SLC9A1: variants seen among roughly 807,000 people sequenced by gnomAD.
SLC9A1 encodes the protein sodium/hydrogen exchanger 1.
SLC9A1 carries 22 observed loss-of-function variants against 67.9 expected under a neutral mutation model. The ratio of observed to expected loss-of-function variants is 0.32; its 90% CI spans 0.23 to 0.46. The LOEUF (loss-of-function observed/expected upper bound fraction) is 0.46, where lower values mean the gene tolerates loss of function less well. Ranked by LOEUF, SLC9A1 falls within the 20% of genes least tolerant of loss-of-function variation. The probability of loss-of-function intolerance (pLI) is 1.00; values close to 1 mark genes in which losing one functional copy is unlikely to be tolerated. For synonymous variants in SLC9A1, 421 were observed against 471.8 expected (o/e 0.89, Z 1.40); for missense variants, 686 against 1,094.8 (o/e 0.63, Z 5.27).
At chr1:27,131,947 A>AAAATATAT in intron 1 of SLC9A1, among the ~76,000 whole-genome samples, 335 of 52,002 alleles carry the variant, frequency 6.4e-3, no homozygotes, top group Admixed American at 0.014. Context: ...AGAAAAAAAA[A>AAAATATAT]ATATATATAT....
At chr1:27,128,880 C>T (rs2083363879) in intron 1 of SLC9A1, among the ~76,000 whole-genome samples, 1 of 152,064 alleles carries the variant, frequency 6.6e-6, no homozygotes, top group Admixed American at 6.5e-5. Flanking sequence ...TCACTTGAAC[C>T]CAGGAGGTGG....
intron 2 of SLC9A1, among the ~76,000 whole-genome samples, chr1:27,112,246 T>G (rs1161664953): frequency 6.6e-6 from 1 of 152,058 alleles, no homozygotes; most frequent in African/African-American, 2.4e-5. Flanking sequence ...CCCAGCCCCA[T>G]GAGGAGGCGT....
At chr1:27,124,431 C>T (rs1374468706) in intron 1 of SLC9A1, among the ~76,000 whole-genome samples, 1 of 152,216 alleles carries the variant, frequency 6.6e-6, no homozygotes, top group East Asian at 1.9e-4. Flanking sequence ...ATAACTTCAA[C>T]TTGCTTGAAA....
chr1:27,141,781 C>T (rs915362567), intron 1 of SLC9A1, among the ~76,000 whole-genome samples: 1 of 152,174 alleles, frequency 6.6e-6, no homozygotes, highest in Admixed American at 6.6e-5. Flanking sequence ...TAGGCTTTGC[C>T]CAGTTAGGTG....
intron 1 of SLC9A1, among the ~76,000 whole-genome samples, chr1:27,122,218 G>A (rs1389777695): frequency 6.6e-6 from 1 of 152,164 alleles, no homozygotes; most frequent in Non-Finnish European, 1.5e-5. Context: ...TGAGTCAGGT[G>A]CCCCTCCAAA....
Position 27,100,704 on chromosome 1 carries a change from CCA to C in SLC9A1, c.2111-62_2111-61del. On this transcript the variant is annotated intron_variant, in intron 11 of 11. Coordinates refer to ENST00000263980, the MANE Select transcript of SLC9A1 (RefSeq NM_003047.5). This position sits in a 1 kb window ranked among gnomAD's most constrained non-coding sequence, Gnocchi z 5.6. ...GCTCTGGAGCCCGGCCCAGCACGTG[CCA>C]CTCGGCCGCGTCAGTGCCTCCTTCA... is the stretch of plus-strand genomic sequence containing the variant. 7.0e-7 allele frequency: 1 copy of C among 1,419,618 alleles called. No individual in the cohort carries two copies. Among genetic ancestry groups the C allele is most frequent in the Non-Finnish European group, 9.6e-7 (1 of 1,038,322 alleles). 87.9% of individuals were successfully genotyped at this position (1,419,618 alleles called of 1,614,324 possible).
intron 1 of SLC9A1, among the ~76,000 whole-genome samples, chr1:27,144,392 A>G (rs12136394): frequency 0.34 from 51,735 of 152,106 alleles, 9,213 homozygotes; most frequent in African/African-American, 0.37. Flanking sequence ...GGCCCAGAGA[A>G]GATGCCCTTG....
rs1332441029 is a variant in SLC9A1 at position 27,147,316 on chromosome 1, A to AG, written c.352+6666_352+6667insC. Among the ~76,000 whole-genome samples the AG allele has an allele frequency of 1.0e-3, 156 of 149,816 alleles. 2 individuals carry two copies. Among genetic ancestry groups the AG allele is most frequent in the African/African-American group, 3.7e-3 (152 of 40,890 alleles). On this transcript the variant is annotated intron_variant, in intron 1 of 11. Coordinates refer to ENST00000263980, the MANE Select transcript of SLC9A1 (RefSeq NM_003047.5). ...CTCTGTCTCAAAAAAAAAAAAAAAA[A>AG]AAAAAGAAAAGAAAAAAATACAAAA...
chr1:27,115,162 C>G (rs2083256324), intron 1 of SLC9A1, among the ~76,000 whole-genome samples: 1 of 152,176 alleles, frequency 6.6e-6, no homozygotes, highest in African/African-American at 2.4e-5. Flanking sequence ...CTGCACAGTT[C>G]TGTAATTCAA....
chr1:27,108,140 C>T (rs985115114), intron 3 of SLC9A1, among the ~76,000 whole-genome samples: 1 of 149,060 alleles, frequency 6.7e-6, no homozygotes, highest in African/African-American at 2.5e-5. Context: ...GATCTTGGCT[C>T]ACTGCAACCT....
intron 1 of SLC9A1, among the ~76,000 whole-genome samples, chr1:27,117,139 T>C (rs1395025819): frequency 2.0e-5 from 3 of 150,798 alleles, no homozygotes; most frequent in Non-Finnish European, 4.4e-5. Flanking sequence ...CAGAAGCAGC[T>C]GAGACAAGAC....
intron 1 of SLC9A1, among the ~76,000 whole-genome samples, chr1:27,135,525 G>GTTTAAA: frequency 9.1e-6 from 1 of 110,052 alleles, no homozygotes; most frequent in Non-Finnish European, 1.8e-5. Context: ...CTTTTTTCTG[G>GTTTAAA]AAAAAAAAAA....
At chr1:27,110,367 CA>C (rs2083219873) in intron 2 of SLC9A1, among the ~76,000 whole-genome samples, 2 of 152,154 alleles carry the variant, frequency 1.3e-5, no homozygotes, top group Admixed American at 1.3e-4. Context: ...TCTGAAAATA[CA>C]CATGTTCAGG....
chr1:27,138,758 G>A (rs76316106), intron 1 of SLC9A1, among the ~76,000 whole-genome samples: 3,479 of 152,246 alleles, frequency 0.023, 167 homozygotes, highest in African/African-American at 0.077. Context: ...ACAGGGAAAG[G>A]GTAGTGGGGC....
In SLC9A1 at chr1:27,113,750, G is replaced by A. The variant is rs74061718; in HGVS notation, c.813+76C>T. The A allele has an allele frequency of 4.2e-3, 4,557 of 1,072,356 alleles. 98 individuals are homozygous for A. In the African/African-American group the frequency reaches 0.053, roughly 12 times the overall value. The allele number at this position is 1,072,356 out of a possible 1,614,324, so 66.4% of individuals were successfully genotyped here. ...GTTTTTATTACTGTTATTAGCGGGT[G>A]GATGAGGGATTCACTGGTGGGCCTG... On this transcript the variant is annotated intron_variant, in intron 2 of 11. Transcript: ENST00000263980.
At position 27,098,908 on chromosome 1, in the gene SLC9A1, G is replaced by A. The variant is rs889686775; in HGVS notation, c.*1399C>T. On this transcript the variant is annotated 3_prime_UTR_variant, in exon 12 of 12. Transcript: ENST00000263980. The stretch of plus-strand genomic sequence containing the variant: ...AGCAGCTGCGGTGGCTTGGTACGTG[G>A]TTGTCGATGTCACCCTTGCATGGTG... 1 of 152,672 alleles carries A rather than the reference G, an allele frequency of 6.5e-6. No individual in the cohort carries two copies. Among genetic ancestry groups the A allele is most frequent in the Non-Finnish European group, 1.5e-5 (1 of 68,094 alleles). The allele number at this position is 152,672 out of a possible 1,614,324, so 9.5% of individuals were successfully genotyped here.
At chr1:27,117,636 T>C (rs1304050169) in intron 1 of SLC9A1, among the ~76,000 whole-genome samples, 1 of 152,016 alleles carries the variant, frequency 6.6e-6, no homozygotes, top group African/African-American at 2.4e-5. Flanking sequence ...TCTGAGGGCG[T>C]CCCATGAGCC....
intron 5 of SLC9A1, among the ~76,000 whole-genome samples, chr1:27,104,691 C>A (rs1002598214): frequency 6.6e-6 from 1 of 152,182 alleles, no homozygotes; most frequent in African/African-American, 2.4e-5. Context: ...ACCAGGGTCC[C>A]CTCTCCCTTT....
intron 6 of SLC9A1, 54 bp downstream of exon 6, chr1:27,103,169 C>T (rs193046197): frequency 2.9e-5 from 38 of 1,301,186 alleles, no homozygotes; most frequent in Middle Eastern, 1.8e-4. Context: ...CCAGCTGCTC[C>T]CTATCTCCCT....
Sources: allele counts gnomAD v4.1 joint callset (sites outside exome capture counted in the v4.1 genomes callset), GRCh38; gene constraint gnomAD v4.1.1; non-coding constraint Gnocchi (gnomAD v3.1); transcripts MANE v1.5; gene names NCBI Gene and HGNC (gene_info 2026-07-23, HGNC 2026-07-21).